The following TUBA3E variants were observed in gnomAD, a reference collection of about 807,000 sequenced individuals.
TUBA3E encodes tubulin alpha-3E chain.
A neutral mutation model predicts 36.7 loss-of-function variants in TUBA3E; 21 were observed. That is an observed-to-expected ratio of 0.57 (90% CI 0.41 to 0.83). The LOEUF (loss-of-function observed/expected upper bound fraction) is 0.83. Among genes scored for constraint, TUBA3E ranks in the 40% least tolerant of loss-of-function variants. TUBA3E has a pLI of 0.00. For synonymous variants in TUBA3E, 177 were observed against 241.9 expected (o/e 0.73, Z 2.49); for missense variants, 469 against 604.2 (o/e 0.78, Z 2.35).
In TUBA3E at chr2:130,192,012, A is replaced by G; in HGVS notation, c.1172T>C (p.Leu391Pro). ...ATACATGAGATCGAACTTATGGACC[A>G]GGCGGGCCCAGGCCTCCGCAATGGC... ...TTAIAEAWAR[L>P]VHKFDLMYAK... Residue 391 changes from leucine (L) to proline (P), a missense_variant, in exon 5 of 5, where the codon CTG (leucine) becomes CCG (proline). Leu to Pro is a moderately conservative substitution (Grantham distance 98). Transcript: ENST00000312988. The G allele has an allele frequency of 6.2e-7, 1 of 1,614,130 alleles. No individual in the cohort carries two copies. The highest frequency in any genetic ancestry group is 2.2e-5 in the East Asian group (1 of 44,868).
rs757860739 is a variant in TUBA3E at position 130,194,166 on chromosome 2, T to G, written c.676A>C (p.Asn226His). ...NLDIERPTYT[N>H]LNRLIGQIVS... ...ATCTGCCCAATCAGGCGATTGAGGT[T>G]GGTGTACGTGGGACGTTCAATGTCC... Residue 226 changes from asparagine to histidine, a missense_variant, in exon 4 of 5, where the codon AAC becomes CAC. Transcript: ENST00000312988. The G allele has an allele frequency of 1.2e-6, 2 of 1,613,646 alleles. No individual in the cohort carries two copies. The highest frequency in any genetic ancestry group is 1.7e-6 in the Non-Finnish European group (2 of 1,179,990).
At position 130,196,250 on chromosome 2, in the gene TUBA3E, A is replaced by T; in HGVS notation, c.125T>A (p.Ile42Asn). The change falls in exon 2 of 5, where the codon ATT becomes AAT. Residue 42 changes from isoleucine (I) to asparagine (N), a missense_variant. Physicochemically the swap from Ile to Asn is moderately radical, Grantham distance 149. Around this residue, in one of 3 missense-constraint regions of TUBA3E, gnomAD observed 169 missense variants for 239.0 expected, o/e 0.71. Coordinates refer to ENST00000312988, the MANE Select transcript of TUBA3E (RefSeq NM_207312.3). ...GTTGAAGGAGTCGTCCCCGCCACCA[A>T]TGGTTTTATCACTTGGCATTTGACC... ...PDGQMPSDKTIGGGDDSFNTF... is the reference protein window; with the variant it reads ...PDGQMPSDKTNGGGDDSFNTF... 2 of 1,613,956 alleles carry T rather than the reference A, an allele frequency of 1.2e-6. No individual in the cohort carries two copies. Among genetic ancestry groups the T allele is most frequent in the Non-Finnish European group, 1.7e-6 (2 of 1,179,890 alleles).
At position 130,198,196 on chromosome 2, in the gene TUBA3E, C is replaced by CAA. The variant is rs1339972074; in HGVS notation, c.3+161_3+162insTT. Among the ~76,000 whole-genome samples the CAA allele has an allele frequency of 8.1e-5, 10 of 123,834 alleles. 2 individuals are homozygous for CAA. The highest frequency in any genetic ancestry group is 2.6e-4 in the East Asian group (1 of 3,830). The allele number at this position is 123,834 out of a possible 152,430, so 81.2% of individuals were successfully genotyped here. A position where few individuals can be genotyped will look rare whatever the true frequency, so the allele number is the denominator to read the frequency against. On this transcript the variant is annotated intron_variant, in intron 1 of 4. Coordinates refer to ENST00000312988, the MANE Select transcript of TUBA3E (RefSeq NM_207312.3). ...GCCGCCGTCCCTGCCCTGGGACCTG[C>CAA]AGATCCAGGAAACGATCCCGTGTCC...
At chr2:130,197,559 T>C (rs113771196) in intron 1 of TUBA3E, among the ~76,000 whole-genome samples, 17,987 of 115,456 alleles carry the variant, frequency 0.16, 1,278 homozygotes, top group African/African-American at 0.34. Context: ...AACTGACAAA[T>C]CACAGCTATT....
chr2:130,197,633 C>CA, intron 1 of TUBA3E, among the ~76,000 whole-genome samples: 1 of 127,546 alleles, frequency 7.8e-6, no homozygotes, highest in Non-Finnish European at 1.7e-5. Context: ...TTTTTTGAGG[C>CA]AGGGTCTCTG....
Position 130,194,052 on chromosome 2 carries a change from G to T in TUBA3E, c.790C>A (p.Arg264Ser). 1 of 1,614,160 alleles carries T rather than the reference G, an allele frequency of 6.2e-7. No individual in the cohort carries two copies. Among genetic ancestry groups the T allele is most frequent in the Non-Finnish European group, 8.5e-7 (1 of 1,180,018 alleles). The change falls in exon 4 of 5, where the codon CGC becomes AGC. Residue 264 changes from arginine to serine, a missense_variant. Arg to Ser is a moderately radical substitution (Grantham distance 110, BLOSUM62 -1). Transcript: ENST00000312988. ...TAGGTGGCCAGGGGGAAGTGGATGC[G>T]GGGGTACGGCACGAGGTTGGTCTGG... ...EFQTNLVPYPRIHFPLATYAP... is the reference protein window; with the variant it reads ...EFQTNLVPYPSIHFPLATYAP...
Position 130,192,136 on chromosome 2 carries a change from G to A in TUBA3E, c.1057-9C>T. 1.3e-6 allele frequency: 2 copies of A among 1,589,584 alleles called. No homozygotes were observed. Among genetic ancestry groups the A allele is most frequent in the South Asian group, 2.3e-5 (2 of 87,666 alleles). On this transcript the variant is annotated splice_polypyrimidine_tract_variant and intron_variant, in intron 4 of 4. Coordinates refer to ENST00000312988, the MANE Select transcript of TUBA3E (RefSeq NM_207312.3). The stretch of plus-strand genomic sequence containing the variant: ...TGGTAGTTAATGCCCACCTGCCAGA[G>A]AAGGGAAAGAAAGCAGTCCGTGAAG...
In TUBA3E at chr2:130,194,035, C is replaced by A. The variant is rs1690339245; in HGVS notation, c.807G>T (p.Leu269=). The A allele has an allele frequency of 1.1e-5, 18 of 1,614,142 alleles. No homozygotes were observed. Among genetic ancestry groups the A allele is most frequent in the Non-Finnish European group, 1.5e-5 (18 of 1,180,028 alleles). ...LVPYPRIHFP[L]ATYAPVISAE... ...CTGAGATGACTGGGGCGTAGGTGGCCAGGGGGAAGTGGATGCGGGGGTACG... is the reference window on the plus strand; with the variant it reads ...CTGAGATGACTGGGGCGTAGGTGGCAAGGGGGAAGTGGATGCGGGGGTACG... The change falls in exon 4 of 5, where the codon CTG becomes CTT. Residue 269 remains leucine (L), a synonymous_variant. Coordinates refer to ENST00000312988, the MANE Select transcript of TUBA3E (RefSeq NM_207312.3).
chr2:130,196,380 C>T lies in TUBA3E; in HGVS notation c.4-9G>A, dbSNP rs541151506. 1.2e-5 allele frequency: 19 copies of T among 1,610,846 alleles called. No homozygotes were observed. The highest frequency in any genetic ancestry group is 1.3e-5 in the African/African-American group (1 of 74,996). ...ATAGAGATACACTCGCGCTGTGAACCGGAACATAAATGTGAACCCATTCAT... is the reference window on the plus strand; with the variant it reads ...ATAGAGATACACTCGCGCTGTGAACTGGAACATAAATGTGAACCCATTCAT... On this transcript the variant is annotated splice_polypyrimidine_tract_variant and intron_variant, in intron 1 of 4. Coordinates refer to ENST00000312988, the MANE Select transcript of TUBA3E (RefSeq NM_207312.3).
intron 3 of TUBA3E, among the ~76,000 whole-genome samples, chr2:130,194,683 TG>T: frequency 6.6e-6 from 1 of 152,134 alleles, no homozygotes; most frequent in South Asian, 2.1e-4. Flanking sequence ...TCTAAGTTTT[TG>T]CTTGTTTGTT....
At chr2:130,193,289 A>T (rs1226701039) in intron 4 of TUBA3E, among the ~76,000 whole-genome samples, 1 of 152,030 alleles carries the variant, frequency 6.6e-6, no homozygotes, top group Non-Finnish European at 1.5e-5. Flanking sequence ...ACAGATATAT[A>T]GTGTGATGAC....
chr2:130,195,118 C>CT lies in TUBA3E; in HGVS notation c.335dup (p.Glu113GlyfsTer4), dbSNP rs1690372174. The CT allele has an allele frequency of 6.2e-7, 1 of 1,612,122 alleles. No homozygotes were observed. Among genetic ancestry groups the CT allele is most frequent in the Non-Finnish European group, 8.5e-7 (1 of 1,179,228 alleles). On this transcript the variant is annotated frameshift_variant, in exon 3 of 5. Coordinates refer to ENST00000312988, the MANE Select transcript of TUBA3E (RefSeq NM_207312.3). LOFTEE classifies it high-confidence loss of function. ...GGTCCAGGACTAGGTCAACAATCTC[C>CT]TTGCCGATGGTGTAATGGCCCCTGG...
intron 2 of TUBA3E, among the ~76,000 whole-genome samples, chr2:130,195,547 G>A (rs1448175627): frequency 1.3e-5 from 2 of 152,242 alleles, no homozygotes; most frequent in Non-Finnish European, 2.9e-5. Flanking sequence ...ATCAAAGGCT[G>A]TAAGTTAAAA....
rs1690268017 is a variant in TUBA3E, at chr2:130,191,894, C to T, written c.1290G>A (p.Lys430=). The T allele has an allele frequency of 6.2e-7, 1 of 1,614,066 alleles. No individual in the cohort carries two copies. Among genetic ancestry groups the T allele is most frequent in the African/African-American group, 1.3e-5 (1 of 74,928 alleles). ...EAREDLAALE[K]DCEEVGVDSV... is the part of the protein sequence containing the mutation. Reference sequence around the variant, plus strand: ...AATCCACGCCCACCTCTTCACAATCCTTCTCTAGAGCTGCCAGGTCCTCGC... The same window carrying T: ...AATCCACGCCCACCTCTTCACAATCTTTCTCTAGAGCTGCCAGGTCCTCGC... Residue 430 remains lysine, a synonymous_variant, in exon 5 of 5, where the codon AAG becomes AAA. Transcript: ENST00000312988.
rs367822755 is a variant in TUBA3E, at chr2:130,192,006, T to G, written c.1178A>C (p.His393Pro). ...CTTGGCATACATGAGATCGAACTTA[T>G]GGACCAGGCGGGCCCAGGCCTCCGC... ...AIAEAWARLV[H>P]KFDLMYAKWA... is the part of the protein sequence containing the mutation. The change falls in exon 5 of 5, where the codon CAT becomes CCT. Residue 393 changes from histidine (H) to proline (P), a missense_variant. Physicochemically the swap from His to Pro is moderately conservative, Grantham distance 77. This residue lies in a region of TUBA3E where 296 missense variants were observed against 346.9 expected (regional missense o/e 0.85). Transcript: ENST00000312988. 3 of 1,614,094 alleles carry G rather than the reference T, an allele frequency of 1.9e-6. No individual in the cohort carries two copies. Among genetic ancestry groups the G allele is most frequent in the Admixed American group, 1.7e-5 (1 of 60,008 alleles).
Position 130,194,229 on chromosome 2 carries a change from C to G in TUBA3E, c.613G>C (p.Asp205His). 2 of 1,612,388 alleles carry G rather than the reference C, an allele frequency of 1.2e-6. No homozygotes were observed. The highest frequency in any genetic ancestry group is 1.7e-6 in the Non-Finnish European group (2 of 1,179,726). Residue 205 changes from aspartate (D) to histidine (H), a missense_variant, in exon 4 of 5, where the codon GAC becomes CAC. This residue lies in a region of TUBA3E where 296 missense variants were observed against 346.9 expected (regional missense o/e 0.85). Coordinates refer to ENST00000312988, the MANE Select transcript of TUBA3E (RefSeq NM_207312.3). ...LEHSDCAFMV[D>H]NEAIYDICRR... Reference sequence around the variant, plus strand: ...CATATGTCATAGATGGCTTCATTGTCGACCATGAAGGCACAGTCAGAATGT... The same window carrying G: ...CATATGTCATAGATGGCTTCATTGTGGACCATGAAGGCACAGTCAGAATGT...
At position 130,198,294 on chromosome 2, in the gene TUBA3E, T is replaced by C. The variant is rs1292056182; in HGVS notation, c.3+64A>G. 2 of 1,346,042 alleles carry C rather than the reference T, an allele frequency of 1.5e-6. 1 individual carries two copies. Among genetic ancestry groups the C allele is most frequent in the East Asian group, 5.5e-5 (2 of 36,368 alleles). The allele number at this position is 1,346,042 out of a possible 1,614,324, so 83.4% of individuals were successfully genotyped here. On this transcript the variant is annotated intron_variant, in intron 1 of 4. Transcript: ENST00000312988. ...GCCCAGGCCCGCAACAACGTCCCTC[T>C]GTCCACCCGAGGCCAACTTCGTCTG...
chr2:130,192,657 C>T (rs1351531907), intron 4 of TUBA3E, among the ~76,000 whole-genome samples: 1 of 152,202 alleles, frequency 6.6e-6, no homozygotes, highest in East Asian at 1.9e-4. Context: ...GGTCCATGTG[C>T]CTGCCTAAGT....
intron 3 of TUBA3E, among the ~76,000 whole-genome samples, chr2:130,194,850 G>A (rs138743575): frequency 0.028 from 4,318 of 152,172 alleles, 213 homozygotes; most frequent in African/African-American, 0.097. Context: ...GCTAATTTTC[G>A]TATTTTTAGT....
Sources: gnomAD v4.1 joint callset for allele counts (sites outside exome capture counted in the v4.1 genomes callset) on GRCh38, gnomAD v4.1.1 for gene constraint, gnomAD v4.1.1 regional missense constraint, MANE v1.5 for transcripts, NCBI Gene and HGNC (gene_info 2026-07-23, HGNC 2026-07-21) for gene names.